ITSN1: variants seen among roughly 807,000 people sequenced by gnomAD.
ITSN1 encodes the protein intersectin-1.
ITSN1 carries 58 observed loss-of-function variants against 239.8 expected under a neutral mutation model. That is an observed-to-expected ratio of 0.24 (90% CI 0.20 to 0.30). ITSN1 has a LOEUF of 0.30. Ranked by LOEUF, ITSN1 falls within the 10% of genes least tolerant of loss-of-function variation. ITSN1 has a pLI of 1.00. For synonymous variants in ITSN1, 780 were observed against 770.8 expected (o/e 1.01, Z -0.20); for missense variants, 1,558 against 2,103.3 (o/e 0.74, Z 5.07).
chr21:33,751,364 G>A (rs1349810147), intron 6 of ITSN1, among the ~76,000 whole-genome samples: 1 of 152,192 alleles, frequency 6.6e-6, no homozygotes, highest in Non-Finnish European at 1.5e-5. Context: ...GTGATAATCA[G>A]ACACAAAAGC....
intron 36 of ITSN1, 110 bp downstream of exon 36, chr21:33,883,781 A>G (rs1985325441): frequency 7.5e-7 from 1 of 1,330,434 alleles, no homozygotes; most frequent in African/African-American, 1.5e-5. Context: ...CAATGCCATC[A>G]CCCCTAGCTG....
intron 1 of ITSN1, among the ~76,000 whole-genome samples, chr21:33,712,824 C>T (rs998000434): frequency 2.6e-5 from 4 of 152,234 alleles, no homozygotes; most frequent in Non-Finnish European, 2.9e-5. Flanking sequence ...ATTATAGTTA[C>T]ATTTTGTGTT....
chr21:33,708,587 T>C (rs1601762318), intron 1 of ITSN1, among the ~76,000 whole-genome samples: 2 of 152,120 alleles, frequency 1.3e-5, no homozygotes, highest in African/African-American at 4.8e-5. Flanking sequence ...GGTTTCTCCA[T>C]GTTGGTCAGG....
chr21:33,789,024 T>C (rs1484138192), intron 16 of ITSN1, among the ~76,000 whole-genome samples: 2 of 152,226 alleles, frequency 1.3e-5, no homozygotes, highest in African/African-American at 4.8e-5. Context: ...GATTTGGGTA[T>C]AGTTTCTGTG....
chr21:33,739,588 G>C lies in ITSN1; in HGVS notation c.346+4384G>C, dbSNP rs75048510. On this transcript the variant is annotated intron_variant, in intron 5 of 39. Coordinates refer to ENST00000381318, the MANE Select transcript of ITSN1 (RefSeq NM_003024.3). ...AAAACAGAGTAATAGTAGAGAGACA[G>C]AGAGAGAGAAACCAGTAGAACAAGA... 6.2e-3 allele frequency among the ~76,000 whole-genome samples: 951 copies of C among 152,274 alleles called. 9 individuals carry two copies. The highest frequency in any genetic ancestry group is 0.022 in the African/African-American group (903 of 41,576).
chr21:33,719,294 AGCCG>A (rs1343173152), intron 2 of ITSN1, among the ~76,000 whole-genome samples: 1 of 152,068 alleles, frequency 6.6e-6, no homozygotes, highest in East Asian at 1.9e-4. Flanking sequence ...TACAAAAATT[AGCCG>A]GGCGTGGTGG....
chr21:33,766,753 G>T (rs1451919322), intron 10 of ITSN1, among the ~76,000 whole-genome samples: 3 of 152,226 alleles, frequency 2.0e-5, no homozygotes, highest in African/African-American at 7.2e-5. Context: ...CTGTGACTAT[G>T]TAGGAAGCAA....
At chr21:33,885,335 T>G in intron 37 of ITSN1, 104 bp from the exon 38 acceptor site, 1 of 1,198,430 alleles carries the variant, frequency 8.3e-7, no homozygotes, top group Non-Finnish European at 1.2e-6. Flanking sequence ...GAAGAATTAC[T>G]TTTGAGTCGG....
chr21:33,684,961 A>T (rs1262600728), intron 1 of ITSN1, among the ~76,000 whole-genome samples: 1 of 152,194 alleles, frequency 6.6e-6, no homozygotes, highest in African/African-American at 2.4e-5. Context: ...CTAACCTTTT[A>T]TTATGAAAAA....
At chr21:33,683,942 G>A (rs2251854) in intron 1 of ITSN1, among the ~76,000 whole-genome samples, 103,358 of 152,018 alleles carry the variant, frequency 0.68, 35,464 homozygotes, top group African/African-American at 0.74. Flanking sequence ...TTTGCTATTG[G>A]AGCCGATGCC....
At chr21:33,749,164 A>AT (rs2067383737) in intron 5 of ITSN1, among the ~76,000 whole-genome samples, 3 of 151,872 alleles carry the variant, frequency 2.0e-5, no homozygotes. Context: ...AATTTTTAAA[A>AT]TTTTTTGTAG....
rs140898472 is a variant in ITSN1, at chr21:33,717,640, C to G, written c.-32-1157C>G. Among the ~76,000 whole-genome samples, 453 of 152,108 alleles carry G rather than the reference C, an allele frequency of 3.0e-3. 1 individual carries two copies. The highest frequency in any genetic ancestry group is 0.011 in the African/African-American group (444 of 41,492). On this transcript the variant is annotated intron_variant, in intron 1 of 39. Transcript: ENST00000381318. ...GTGCAATCTCGGCTCACTGCAAGCT[C>G]CATCTCCTGGGTTCACGCCATTCTC...
chr21:33,833,677 C>T (rs988491767), intron 27 of ITSN1, among the ~76,000 whole-genome samples: 5 of 152,236 alleles, frequency 3.3e-5, no homozygotes, highest in African/African-American at 4.8e-5. Context: ...ACCATCCTGG[C>T]TAACACGGTG....
chr21:33,741,424 A>G (rs533971184), intron 5 of ITSN1, among the ~76,000 whole-genome samples: 2 of 152,314 alleles, frequency 1.3e-5, no homozygotes, highest in African/African-American at 4.8e-5. Flanking sequence ...ATGTGTGGAT[A>G]TGTAAAGTTA....
At chr21:33,846,871 C>A (rs570668811) in intron 29 of ITSN1, among the ~76,000 whole-genome samples, 2 of 152,240 alleles carry the variant, frequency 1.3e-5, no homozygotes, top group East Asian at 3.9e-4. Flanking sequence ...ATGAAAAGAC[C>A]CCAAAACAGG....
intron 29 of ITSN1, among the ~76,000 whole-genome samples, chr21:33,848,209 C>A (rs2075043517): frequency 1.3e-5 from 2 of 152,184 alleles, no homozygotes; most frequent in African/African-American, 4.8e-5. Context: ...GAGATAAATT[C>A]TTTAAAGAGG....
chr21:33,842,996 G>T (rs2074876113), intron 29 of ITSN1, among the ~76,000 whole-genome samples: 1 of 152,082 alleles, frequency 6.6e-6, no homozygotes, highest in South Asian at 2.1e-4. Context: ...TGCTTCCCAG[G>T]CCCCACCCAG....
At chr21:33,651,405 C>T (rs1412846943) in intron 1 of ITSN1, among the ~76,000 whole-genome samples, 2 of 152,126 alleles carry the variant, frequency 1.3e-5, no homozygotes, top group African/African-American at 4.8e-5. Context: ...TGGATGTTGA[C>T]GTTTCTACCT....
chr21:33,668,057 G>T (rs2090035045), intron 1 of ITSN1, among the ~76,000 whole-genome samples: 1 of 152,178 alleles, frequency 6.6e-6, no homozygotes, highest in African/African-American at 2.4e-5. Flanking sequence ...CCTTCCTAGA[G>T]ATTGGCTCCA....
Sources: allele counts gnomAD v4.1 joint callset (sites outside exome capture counted in the v4.1 genomes callset), GRCh38; gene constraint gnomAD v4.1.1; transcripts MANE v1.5; gene names NCBI Gene and HGNC (gene_info 2026-07-23, HGNC 2026-07-21).